The following FZD3 variants were observed in gnomAD, a reference collection of about 807,000 sequenced individuals.
FZD3 encodes frizzled class receptor 3.
FZD3 carries 30 observed loss-of-function variants against 60.7 expected under a neutral mutation model. The ratio of observed to expected loss-of-function variants is 0.49; its 90% CI spans 0.37 to 0.67. The LOEUF (loss-of-function observed/expected upper bound fraction) is 0.67, where lower values mean the gene tolerates loss of function less well. Ranked by LOEUF, FZD3 falls within the 30% of genes least tolerant of loss-of-function variation. The probability of loss-of-function intolerance (pLI) is 0.00; values close to 1 mark genes in which losing one functional copy is unlikely to be tolerated. For missense variants in FZD3, 605 were observed against 838.7 expected (o/e 0.72, Z 3.44); for synonymous variants, 246 against 275.2 (o/e 0.89, Z 1.05).
At chr8:28,537,636 C>A (rs554659545) in intron 5 of FZD3, among the ~76,000 whole-genome samples, 1 of 152,264 alleles carries the variant, frequency 6.6e-6, no homozygotes, top group South Asian at 2.1e-4. Flanking sequence ...ACAGGCATTG[C>A]GACAGATTTG....
At chr8:28,511,018 C>T (rs1011853068) in intron 3 of FZD3, among the ~76,000 whole-genome samples, 6 of 151,786 alleles carry the variant, frequency 4.0e-5, no homozygotes, top group South Asian at 2.1e-4. Context: ...GCCTGGGCAA[C>T]GGAGTGAGAC....
At position 28,565,857 on chromosome 8, in the gene FZD3, T is replaced by A. The variant is rs1805696490; in HGVS notation, c.*2846T>A. The stretch of plus-strand genomic sequence containing the variant: ...TTCCTACCATATGTTTAACTTTGAT[T>A]GGCATATGATAATGTTTAGTGTTTT... On this transcript the variant is annotated 3_prime_UTR_variant, in exon 8 of 8. Transcript: ENST00000240093. The A allele has an allele frequency of 6.6e-6, 1 of 152,150 alleles. No individual in the cohort carries two copies. The highest frequency in any genetic ancestry group is 1.5e-5 in the Non-Finnish European group (1 of 67,982). 9.4% of individuals were successfully genotyped at this position (152,150 alleles called of 1,614,324 possible). A position where few individuals can be genotyped will look rare whatever the true frequency, so the allele number is the denominator to read the frequency against.
chr8:28,556,588 G>C (rs1332251557), intron 7 of FZD3, among the ~76,000 whole-genome samples: 1 of 151,994 alleles, frequency 6.6e-6, no homozygotes, highest in Middle Eastern at 3.2e-3. Context: ...TATAGTTCAG[G>C]AATTAGCAAA....
At chr8:28,533,105 A>G (rs1297418603) in intron 5 of FZD3, among the ~76,000 whole-genome samples, 2 of 152,068 alleles carry the variant, frequency 1.3e-5, no homozygotes, top group African/African-American at 4.8e-5. Flanking sequence ...ATTAGCATAA[A>G]TTTGTTCATT....
chr8:28,508,762 C>T (rs937778221), intron 3 of FZD3, among the ~76,000 whole-genome samples: 1 of 152,002 alleles, frequency 6.6e-6, no homozygotes, highest in East Asian at 1.9e-4. Context: ...TGTTCTCAAG[C>T]GATCCACCTG....
intron 3 of FZD3, among the ~76,000 whole-genome samples, chr8:28,512,276 C>G (rs1342075381): frequency 6.6e-6 from 1 of 152,112 alleles, no homozygotes; most frequent in Non-Finnish European, 1.5e-5. Flanking sequence ...TGCATATTCT[C>G]CATCTTTGCT....
rs987425367 is a variant in FZD3, at chr8:28,494,217, A to C, written c.-517A>C. On this transcript the variant is annotated 5_prime_UTR_variant, in exon 1 of 8. Transcript: ENST00000240093. ...GGCCGCGCGCCCCGGTGCTCGCGAAAGCTCGCTGTCGCTGGGAGGCGCGCG... is the reference window on the plus strand; with the variant it reads ...GGCCGCGCGCCCCGGTGCTCGCGAACGCTCGCTGTCGCTGGGAGGCGCGCG... 2 of 151,770 alleles carry C rather than the reference A, an allele frequency of 1.3e-5. No individual in the cohort carries two copies. Among genetic ancestry groups the C allele is most frequent in the Non-Finnish European group, 2.9e-5 (2 of 67,892 alleles). 9.4% of individuals were successfully genotyped at this position (151,770 alleles called of 1,614,324 possible).
rs184917317 is a variant in FZD3, at chr8:28,533,288, C to T, written c.1404+5124C>T. ...CCTGGCCTCAGGGATCCTCCCTCTT[C>T]AGCCTCCCAAAGCACTGGGATAACA... On this transcript the variant is annotated intron_variant, in intron 5 of 7. Coordinates refer to ENST00000240093, the MANE Select transcript of FZD3 (RefSeq NM_017412.4). Among the ~76,000 whole-genome samples, 15 of 152,128 alleles carry T rather than the reference C, an allele frequency of 9.9e-5. 1 individual carries two copies. In the East Asian group the frequency reaches 1.9e-3, roughly 20 times the overall value.
chr8:28,515,214 C>T (rs1804392232), intron 3 of FZD3, among the ~76,000 whole-genome samples: 1 of 152,202 alleles, frequency 6.6e-6, no homozygotes, highest in African/African-American at 2.4e-5. Context: ...CCAAGTCACA[C>T]AGCACCAAAG....
intron 1 of FZD3, among the ~76,000 whole-genome samples, chr8:28,495,539 C>G (rs1803822274): frequency 1.3e-5 from 2 of 152,184 alleles, no homozygotes; most frequent in Non-Finnish European, 2.9e-5. Flanking sequence ...ACCTCCTTCC[C>G]TCACCCTCCT....
At chr8:28,519,405 C>T (rs891495668) in intron 3 of FZD3, among the ~76,000 whole-genome samples, 2 of 152,038 alleles carry the variant, frequency 1.3e-5, no homozygotes, top group African/African-American at 4.8e-5. Context: ...AGTTTGTTTA[C>T]ATCATGTGAT....
intron 5 of FZD3, 101 bp downstream of exon 5, chr8:28,528,265 C>T: frequency 1.2e-6 from 1 of 826,862 alleles, no homozygotes; most frequent in Non-Finnish European, 1.9e-6. Flanking sequence ...ATGTCATGAA[C>T]CTTCAACTTG....
At chr8:28,530,019 G>T (rs774526795) in intron 5 of FZD3, among the ~76,000 whole-genome samples, 6 of 151,564 alleles carry the variant, frequency 4.0e-5, no homozygotes, top group Non-Finnish European at 7.4e-5. Context: ...TTGAGATGCT[G>T]CTTTTTTCAT....
intron 5 of FZD3, among the ~76,000 whole-genome samples, chr8:28,541,809 C>T (rs975661099): frequency 3.9e-5 from 6 of 152,172 alleles, no homozygotes; most frequent in Admixed American, 6.5e-5. Context: ...CATCATTATC[C>T]GCTAGTTGTT....
At chr8:28,502,626 G>C (rs112452975) in intron 2 of FZD3, 44 bp from the exon 3 acceptor site, 1 of 156,104 alleles carries the variant, frequency 6.4e-6, no homozygotes, top group Non-Finnish European at 1.4e-5. Flanking sequence ...TACTTTGAGA[G>C]GAAATGACTA....
At chr8:28,556,134 A>C (rs1357025983) in intron 7 of FZD3, among the ~76,000 whole-genome samples, 163 bp downstream of exon 7, 1 of 152,236 alleles carries the variant, frequency 6.6e-6, no homozygotes, top group African/African-American at 2.4e-5. Context: ...AAAGTCAGTC[A>C]GAATTGTTTA....
At chr8:28,525,106 A>C (rs1463191080) in intron 4 of FZD3, among the ~76,000 whole-genome samples, 1 of 152,006 alleles carries the variant, frequency 6.6e-6, no homozygotes, top group Non-Finnish European at 1.5e-5. Flanking sequence ...GCTCCTGGTT[A>C]CCTTTCTGAT....
At chr8:28,503,257 C>T (rs1342759685) in intron 3 of FZD3, 55 bp downstream of exon 3, 2 of 1,034,262 alleles carry the variant, frequency 1.9e-6, no homozygotes, top group East Asian at 2.5e-5. Flanking sequence ...TGTGTTGTCC[C>T]ATCAGCCAAT....
intron 2 of FZD3, among the ~76,000 whole-genome samples, chr8:28,500,958 C>G (rs1443149262): frequency 6.6e-6 from 1 of 152,094 alleles, no homozygotes; most frequent in African/African-American, 2.4e-5. Flanking sequence ...GACAGGGTTT[C>G]ACTATGTTGG....
Sources: allele counts gnomAD v4.1 joint callset (sites outside exome capture counted in the v4.1 genomes callset), GRCh38; gene constraint gnomAD v4.1.1; transcripts MANE v1.5; gene names NCBI Gene and HGNC (gene_info 2026-07-23, HGNC 2026-07-21).